VPS13C: variants seen among roughly 807,000 people sequenced by gnomAD.
VPS13C encodes the protein intermembrane lipid transfer protein VPS13C.
In VPS13C, 358 loss-of-function variants were observed where a neutral mutation model predicts 456.8. That is an observed-to-expected ratio of 0.78 (90% confidence interval 0.72 to 0.86). The LOEUF (loss-of-function observed/expected upper bound fraction) is 0.86. Ranked by LOEUF, VPS13C falls within the 40% of genes least tolerant of loss-of-function variation. The probability of loss-of-function intolerance (pLI) is 0.00; values close to 1 mark genes in which losing one functional copy is unlikely to be tolerated. For synonymous variants in VPS13C, 1,578 were observed against 1,486.7 expected, an observed-to-expected ratio of 1.06 and a Z score of -1.41; for missense variants, 4,818 against 4,385.4, an observed-to-expected ratio of 1.10 and a Z score of -2.79.
intron 58 of VPS13C, 103 bp downstream of exon 58, chr15:61,919,186 C>T: frequency 1.7e-6 from 2 of 1,146,900 alleles, no homozygotes; most frequent in African/African-American, 1.6e-5. Context: ...TCTGAATAAT[C>T]AGAATTGACC....
In VPS13C at chr15:61,984,022, A is replaced by G. The variant is rs2045963061; in HGVS notation, c.1722-10T>C. On this transcript the variant is annotated splice_polypyrimidine_tract_variant and intron_variant, in intron 19 of 84. Transcript: ENST00000644861. ...TAATTTCGCTTCTACCCTATAATCC[A>G]ATGAAGAACAAGGAAAGATGCAGAC... 1.2e-6 allele frequency: 2 copies of G among 1,603,496 alleles called. No homozygotes were observed. Among genetic ancestry groups the G allele is most frequent in the Non-Finnish European group, 1.7e-6 (2 of 1,174,970 alleles).
At chr15:62,059,087 A>C (rs2048900977) in intron 1 of VPS13C, among the ~76,000 whole-genome samples, 2 of 152,244 alleles carry the variant, frequency 1.3e-5, no homozygotes, top group South Asian at 4.1e-4. Flanking sequence ...AATACACTTT[A>C]ATATTATATT....
intron 66 of VPS13C, 60 bp from the exon 67 acceptor site, chr15:61,890,460 G>T: frequency 2.1e-6 from 3 of 1,414,228 alleles, no homozygotes; most frequent in Non-Finnish European, 2.9e-6. Context: ...ATATAAAATT[G>T]AACTATAATA....
chr15:61,909,321 C>A (rs957208640), intron 64 of VPS13C, among the ~76,000 whole-genome samples, 196 bp from the exon 65 acceptor site: 1 of 152,182 alleles, frequency 6.6e-6, no homozygotes, highest in Non-Finnish European at 1.5e-5. Flanking sequence ...AATTCTCCTG[C>A]CCCAGCCTTC....
At chr15:62,041,458 A>G (rs1030712809) in intron 2 of VPS13C, 92 bp from the exon 3 acceptor site, 6 of 1,266,206 alleles carry the variant, frequency 4.7e-6, no homozygotes, top group Admixed American at 5.0e-5. Context: ...ACACATGTCC[A>G]AAGAAAAACA....
At chr15:61,962,237 T>C (rs1410992285) in intron 34 of VPS13C, 134 bp downstream of exon 34, 2 of 758,196 alleles carry the variant, frequency 2.6e-6, no homozygotes, top group African/African-American at 3.6e-5. Flanking sequence ...GGTTTTGATC[T>C]CTACATTCAC....
chr15:62,058,631 G>C (rs548592486), intron 1 of VPS13C, among the ~76,000 whole-genome samples: 24 of 152,192 alleles, frequency 1.6e-4, no homozygotes, highest in African/African-American at 5.8e-4. Context: ...TTTTATTTAA[G>C]GGACTTGAGC....
At chr15:61,929,362 G>C (rs948061833) in intron 51 of VPS13C, 139 bp downstream of exon 51, 6 of 1,218,998 alleles carry the variant, frequency 4.9e-6, no homozygotes, top group Non-Finnish European at 6.6e-6. Flanking sequence ...AAACTAAAAA[G>C]CTAAAGTTTT....
chr15:61,995,088 C>A (rs1475659583), intron 16 of VPS13C, among the ~76,000 whole-genome samples: 1 of 152,320 alleles, frequency 6.6e-6, no homozygotes, highest in African/African-American at 2.4e-5. Context: ...CATTCCCAGT[C>A]GTTCATGCTC....
At chr15:62,011,673 A>C (rs1457493842) in intron 12 of VPS13C, among the ~76,000 whole-genome samples, 1 of 152,020 alleles carries the variant, frequency 6.6e-6, no homozygotes, top group Non-Finnish European at 1.5e-5. Context: ...TGAGGCTGCC[A>C]AGAAATAGAA....
intron 65 of VPS13C, 136 bp downstream of exon 65, chr15:61,908,856 G>A (rs2140139460): frequency 2.1e-6 from 2 of 967,878 alleles, no homozygotes; most frequent in East Asian, 5.3e-5. Context: ...ACATGTAAGG[G>A]TATTAAAGAT....
In VPS13C at chr15:61,981,349, G is replaced by A. The variant is rs1202229531; in HGVS notation, c.2159C>T (p.Thr720Ile). 3.7e-6 allele frequency: 6 copies of A among 1,608,498 alleles called. No homozygotes were observed. The highest frequency in any genetic ancestry group is 5.1e-6 in the Non-Finnish European group (6 of 1,178,274). Residue 720 changes from threonine (T) to isoleucine (I), a missense_variant, in exon 22 of 85, where the codon ACA becomes ATA. Thr to Ile is a moderately conservative substitution (Grantham distance 89). Around this residue, in one of 3 missense-constraint regions of VPS13C, gnomAD observed 4,552 missense variants for 4,130.6 expected, o/e 1.10. Coordinates refer to ENST00000644861, the MANE Select transcript of VPS13C (RefSeq NM_020821.3). ...AAACGCATATATACCTACCTGAAATGTACCAAAATCTAAAATCAGAAGATC... is the reference window on the plus strand; with the variant it reads ...AAACGCATATATACCTACCTGAAATATACCAAAATCTAAAATCAGAAGATC... Reference protein sequence around the residue: ...KSDLLILDFGTFQLNSKDQGL... With the variant: ...KSDLLILDFGIFQLNSKDQGL...
intron 9 of VPS13C, among the ~76,000 whole-genome samples, chr15:62,017,081 C>T (rs956461134): frequency 2.6e-4 from 40 of 151,560 alleles, no homozygotes; most frequent in African/African-American, 8.7e-4. Context: ...TTTTGAGAAG[C>T]GTCTTCTTTT....
In VPS13C at chr15:61,949,344, T is replaced by C. The variant is rs2044708620; in HGVS notation, c.4759+99A>G. ...TGAAACTAACCTATCAGAGCAGCAA[T>C]GTCAACATGCTAAATATTCATCTTA... On this transcript the variant is annotated intron_variant, in intron 42 of 84. Transcript: ENST00000644861. 9 of 1,384,124 alleles carry C rather than the reference T, an allele frequency of 6.5e-6. No homozygotes were observed. The Admixed American group carries it at 1.8e-4, about 27-fold the overall frequency. 85.7% of individuals were successfully genotyped at this position (1,384,124 alleles called of 1,614,324 possible). A position where few individuals can be genotyped will look rare whatever the true frequency, so the allele number is the denominator to read the frequency against.
In VPS13C at chr15:62,049,734, G is replaced by C. The variant is rs1476693358; in HGVS notation, c.101-5479C>G. Among the ~76,000 whole-genome samples, 6 of 152,246 alleles carry C rather than the reference G, an allele frequency of 3.9e-5. 1 individual carries two copies. The highest frequency in any genetic ancestry group is 3.9e-4 in the Admixed American group (6 of 15,290). ...CAATATTGATTCTTCCTACCCATGA[G>C]CATGGAATGTTCTTCCATTTGTTTG... is the stretch of plus-strand genomic sequence containing the variant. On this transcript the variant is annotated intron_variant, in intron 1 of 84. Coordinates refer to ENST00000644861, the MANE Select transcript of VPS13C (RefSeq NM_020821.3).
intron 84 of VPS13C, 146 bp downstream of exon 84, chr15:61,854,725 C>A: frequency 3.1e-6 from 3 of 971,476 alleles, no homozygotes; most frequent in Non-Finnish European, 4.6e-6. Flanking sequence ...TTGCACCCGA[C>A]TGAGTCCACA....
At chr15:62,016,570 C>T (rs893397740) in intron 9 of VPS13C, among the ~76,000 whole-genome samples, 17 of 151,882 alleles carry the variant, frequency 1.1e-4, no homozygotes, top group African/African-American at 3.6e-4. Flanking sequence ...TGGTTTCCAG[C>T]TTCATCCATG....
At position 61,903,624 on chromosome 15, in the gene VPS13C, A is replaced by G. The variant is rs561800585; in HGVS notation, c.9105+3640T>C. ...CAATGCAATCCCTATCAAAATACCA[A>G]TGATATTATTCACATAAACAGAGAA... On this transcript the variant is annotated intron_variant, in intron 66 of 84. Transcript: ENST00000644861. Among the ~76,000 whole-genome samples, 125 of 152,324 alleles carry G rather than the reference A, an allele frequency of 8.2e-4. 1 individual carries two copies. Among genetic ancestry groups the G allele is most frequent in the Non-Finnish European group, 1.3e-3 (87 of 68,028 alleles).
At chr15:61,962,320 C>T (rs752222933) in intron 34 of VPS13C, 51 bp downstream of exon 34, 27 of 1,492,078 alleles carry the variant, frequency 1.8e-5, no homozygotes, top group East Asian at 4.6e-5. Context: ...AATTATCACA[C>T]TTTTAAAATA....
Sources: allele counts gnomAD v4.1 joint callset (sites outside exome capture counted in the v4.1 genomes callset), GRCh38; gene constraint gnomAD v4.1.1; regional missense constraint gnomAD v4.1.1; transcripts MANE v1.5; gene names NCBI Gene and HGNC (gene_info 2026-07-23, HGNC 2026-07-21).